BMP3: variants seen among roughly 807,000 people sequenced by gnomAD.
The protein encoded by BMP3 is bone morphogenetic protein 3.
Under a neutral mutation model 38.1 loss-of-function variants are expected in BMP3, and 23 were observed. The observed-to-expected ratio is 0.60, with a 90% CI of 0.43 to 0.86. The LOEUF (loss-of-function observed/expected upper bound fraction) is 0.86. Ranked by LOEUF, BMP3 falls within the 40% of genes least tolerant of loss-of-function variation. BMP3 has a pLI of 0.00. For synonymous variants in BMP3, 258 were observed against 225.7 expected (o/e 1.14, Z -1.28); for missense variants, 628 against 579.6 (o/e 1.08, Z -0.86).
rs60606505 is a variant in BMP3 at position 81,053,601 on chromosome 4, G to GTTTT, written c.*82_*85dup. On this transcript the variant is annotated 3_prime_UTR_variant, in exon 3 of 3. Coordinates refer to ENST00000282701, the MANE Select transcript of BMP3 (RefSeq NM_001201.5). ...AGTTTATTTTTATGGACTTCTTCCT[G>GTTTT]TTTTTTTTTTTTTTTTTTTTGCACT... 2.0e-3 allele frequency: 727 copies of GTTTT among 357,518 alleles called. 1 individual carries two copies. The highest frequency in any genetic ancestry group is 2.3e-3 in the Non-Finnish European group (557 of 241,120). The allele number at this position is 357,518 out of a possible 1,614,324, so 22.1% of individuals were successfully genotyped here.
At chr4:81,047,060 G>A (rs1241897204) in intron 2 of BMP3, among the ~76,000 whole-genome samples, 2 of 152,184 alleles carry the variant, frequency 1.3e-5, no homozygotes, top group African/African-American at 4.8e-5. Flanking sequence ...GCACAGAGAA[G>A]AGCTGATGGG....
At chr4:81,050,467 A>C (rs891716870) in intron 2 of BMP3, among the ~76,000 whole-genome samples, 5 of 152,154 alleles carry the variant, frequency 3.3e-5, no homozygotes, top group African/African-American at 4.8e-5. Flanking sequence ...TTTCAAATGA[A>C]AGTGATTGAG....
chr4:81,036,927 C>G (rs1739939579), intron 1 of BMP3, among the ~76,000 whole-genome samples: 1 of 151,972 alleles, frequency 6.6e-6, no homozygotes, highest in Non-Finnish European at 1.5e-5. Context: ...TCTAAAACAT[C>G]AGCATGTAGA....
rs774579117 is a variant in BMP3 at position 81,031,196 on chromosome 4, T to G, written c.-89T>G. 3 of 1,393,238 alleles carry G rather than the reference T, an allele frequency of 2.2e-6. No individual in the cohort carries two copies. The highest frequency in any genetic ancestry group is 2.9e-6 in the Non-Finnish European group (3 of 1,050,786). 86.3% of individuals were successfully genotyped at this position (1,393,238 alleles called of 1,614,324 possible). On this transcript the variant is annotated 5_prime_UTR_variant, in exon 1 of 3. Transcript: ENST00000282701. ...GCCCTCGCCCCAGCTGGTTTGGAGT[T>G]CAACCCTCGGCTCCGCCGCCGGCTC...
chr4:81,047,947 G>GAAA (rs3042535), intron 2 of BMP3, among the ~76,000 whole-genome samples: 25 of 91,468 alleles, frequency 2.7e-4, no homozygotes, highest in East Asian at 6.4e-4. Flanking sequence ...ACTCTGAAGA[G>GAAA]AAAAAAAAAA....
chr4:81,031,298 G>T lies in BMP3; in HGVS notation c.14G>T (p.Ser5Ile). Residue 5 changes from serine (S) to isoleucine (I), a missense_variant, in exon 1 of 3, where the codon AGC becomes ATC. Ser to Ile is a moderately radical substitution (Grantham distance 142). Coordinates refer to ENST00000282701, the MANE Select transcript of BMP3 (RefSeq NM_001201.5). ...GGGTACCTAGCCATGGCTGGGGCGA[G>T]CAGGCTGCTCTTTCTGTGGCTGGGC... MAGA[S>I]RLLFLWLGCF... The T allele has an allele frequency of 6.2e-7, 1 of 1,605,140 alleles. No individual in the cohort carries two copies.
At position 81,052,964 on chromosome 4, in the gene BMP3, T is replaced by C. The variant is rs550030087; in HGVS notation, c.1228-381T>C. Among the ~76,000 whole-genome samples, 11 of 152,232 alleles carry C rather than the reference T, an allele frequency of 7.2e-5. No individual in the cohort carries two copies. In the East Asian group the frequency reaches 2.1e-3, roughly 29 times the overall value. On this transcript the variant is annotated intron_variant, in intron 2 of 2. Transcript: ENST00000282701. ...AACACCGTAGAGTGTATTAATTCCA[T>C]GTTTGGGGGCTAAGTTGTTTGTAAT...
Position 81,045,840 on chromosome 4 carries a change from G to C in BMP3, c.419G>C (p.Gly140Ala), listed in dbSNP as rs747111027. The C allele has an allele frequency of 1.9e-6, 3 of 1,614,090 alleles. No homozygotes were observed. In the East Asian group the frequency reaches 6.7e-5, roughly 36 times the overall value. Residue 140 changes from glycine (G) to alanine (A), a missense_variant, in exon 2 of 3, where the codon GGA (glycine) becomes GCA (alanine). Transcript: ENST00000282701. Reference protein sequence around the residue: ...ATLYFCIGELGNISLSCPVSG... With the variant: ...ATLYFCIGELANISLSCPVSG... ...CTGTATTTCTGTATTGGAGAGCTAG[G>C]AAACATCAGCCTGAGTTGTCCAGTG...
intron 2 of BMP3, among the ~76,000 whole-genome samples, chr4:81,048,179 G>T (rs1390301506): frequency 2.0e-5 from 3 of 152,016 alleles, no homozygotes; most frequent in Non-Finnish European, 4.4e-5. Context: ...ATTCATAAAG[G>T]ATATTTTACT....
intron 2 of BMP3, among the ~76,000 whole-genome samples, chr4:81,050,816 C>A (rs10005851): frequency 0.73 from 110,750 of 151,948 alleles, 42,006 homozygotes; most frequent in Non-Finnish European, 0.83. Context: ...AAGGCAAATA[C>A]CACAGATATG....
chr4:81,031,634 TCCCGCCCCAGCTTTCTC>T (rs1739774639), intron 1 of BMP3, 34 bp downstream of exon 1: 1 of 1,517,356 alleles, frequency 6.6e-7, no homozygotes, highest in African/African-American at 1.4e-5. Context: ...CTTCCCGCGG[TCCCGCCCCAGCTTTCTC>T]CCGGGACCCC....
chr4:81,043,631 A>G (rs890755410), intron 1 of BMP3, among the ~76,000 whole-genome samples: 1 of 130,598 alleles, frequency 7.7e-6, no homozygotes, highest in Non-Finnish European at 1.5e-5. Context: ...TCTGTTGCCC[A>G]GGCTGGTGTG....
rs1302581676 is a variant in BMP3 at position 81,045,858 on chromosome 4, G to C, written c.437G>C (p.Cys146Ser). 1 of 1,613,976 alleles carries C rather than the reference G, an allele frequency of 6.2e-7. No homozygotes were observed. Among genetic ancestry groups the C allele is most frequent in the African/African-American group, 1.3e-5 (1 of 74,912 alleles). ...GAGCTAGGAAACATCAGCCTGAGTT[G>C]TCCAGTGTCTGGAGGATGCTCCCAT... The part of the protein sequence containing the change: ...IGELGNISLS[C>S]PVSGGCSHHA... The change falls in exon 2 of 3, where the codon TGT (cysteine) becomes TCT (serine). Residue 146 changes from cysteine (C) to serine (S), a missense_variant. Physicochemically the swap from Cys to Ser is moderately radical, Grantham distance 112 (BLOSUM62 -1). Coordinates refer to ENST00000282701, the MANE Select transcript of BMP3 (RefSeq NM_001201.5).
chr4:81,047,160 G>A (rs1046011473), intron 2 of BMP3, among the ~76,000 whole-genome samples: 1 of 152,158 alleles, frequency 6.6e-6, no homozygotes, highest in African/African-American at 2.4e-5. Context: ...ATTGACTCAG[G>A]TAAACTGGCC....
At position 81,043,254 on chromosome 4, in the gene BMP3, T is replaced by A. The variant is rs569110567; in HGVS notation, c.317-2484T>A. 2.6e-5 allele frequency among the ~76,000 whole-genome samples: 4 copies of A among 152,256 alleles called. No homozygotes were observed. In the East Asian group the frequency reaches 7.7e-4, roughly 29 times the overall value. On this transcript the variant is annotated intron_variant, in intron 1 of 2. Transcript: ENST00000282701. ...GATCCCAGGATGGGAGATTCCAGAG[T>A]TCTAACCTCAGTCCTGTGGATCTCG...
chr4:81,053,395 G>T lies in BMP3; in HGVS notation c.1278G>T (p.Val426=), dbSNP rs768339680. The T allele has an allele frequency of 6.2e-7, 1 of 1,610,334 alleles. No homozygotes were observed. Among genetic ancestry groups the T allele is most frequent in the East Asian group, 2.2e-5 (1 of 44,712 alleles). Residue 426 remains valine (V), a synonymous_variant, in exon 3 of 3, where the codon GTG becomes GTT. Coordinates refer to ENST00000282701, the MANE Select transcript of BMP3 (RefSeq NM_001201.5). ...HATIQSIVRA[V]GVVPGIPEPC... Reference sequence around the variant, plus strand: ...CCATCCAGAGTATAGTGAGAGCTGTGGGGGTCGTTCCTGGGATTCCTGAGC... The same window carrying T: ...CCATCCAGAGTATAGTGAGAGCTGTTGGGGTCGTTCCTGGGATTCCTGAGC...
intron 1 of BMP3, among the ~76,000 whole-genome samples, chr4:81,034,901 C>G (rs1346663952): frequency 6.6e-6 from 1 of 152,000 alleles, no homozygotes; most frequent in Non-Finnish European, 1.5e-5. Context: ...GGAGCCATTC[C>G]TTCAAAATAT....
intron 1 of BMP3, among the ~76,000 whole-genome samples, chr4:81,035,683 T>C (rs1190037440): frequency 6.6e-6 from 1 of 152,074 alleles, no homozygotes; most frequent in Non-Finnish European, 1.5e-5. Flanking sequence ...CCTATTATTT[T>C]TAATAGCCAA....
In BMP3 at chr4:81,046,658, G is replaced by T; in HGVS notation, c.1227+10G>T. The T allele has an allele frequency of 6.2e-7, 1 of 1,605,180 alleles. No homozygotes were observed. The highest frequency in any genetic ancestry group is 8.5e-7 in the Non-Finnish European group (1 of 1,175,292). ...GTTCCCCATGCCAAAGGTAGCCATT[G>T]TTCTCTGTCCTGTACTTACTTCCTA... On this transcript the variant is annotated intron_variant, in intron 2 of 2. Transcript: ENST00000282701.
Sources: allele counts gnomAD v4.1 joint callset (sites outside exome capture counted in the v4.1 genomes callset), GRCh38; gene constraint gnomAD v4.1.1; transcripts MANE v1.5; gene names NCBI Gene and HGNC (gene_info 2026-07-23, HGNC 2026-07-21).